ACSBG1: variants seen among roughly 807,000 people sequenced by gnomAD.
ACSBG1 encodes the protein long-chain-fatty-acid--CoA ligase ACSBG1.
In ACSBG1, 39 loss-of-function variants were observed where a neutral mutation model predicts 80.2. The ratio of observed to expected loss-of-function variants is 0.49; its 90% CI spans 0.38 to 0.64. The LOEUF (loss-of-function observed/expected upper bound fraction) is 0.64. Among genes scored for constraint, ACSBG1 ranks in the 30% least tolerant of loss-of-function variants. ACSBG1 has a pLI of 0.00. For missense variants in ACSBG1, 828 were observed against 966.4 expected (o/e 0.86, Z 1.90); for synonymous variants, 392 against 379.5 (o/e 1.03, Z -0.38).
chr15:78,193,682 T>TTCC, intron 4 of ACSBG1, 56 bp from the exon 5 acceptor site: 1 of 1,560,278 alleles, frequency 6.4e-7, no homozygotes, highest in Non-Finnish European at 8.7e-7. Context: ...GCCACCCCCT[T>TTCC]CCCCCACCCC....
chr15:78,223,359 A>C (rs1180567954), intron 1 of ACSBG1, among the ~76,000 whole-genome samples: 1 of 152,186 alleles, frequency 6.6e-6, no homozygotes, highest in Non-Finnish European at 1.5e-5. Context: ...ATGGTTTGAT[A>C]GGTACAGCAA....
Position 78,178,542 on chromosome 15 carries a change from T to G in ACSBG1, c.1702+72A>C. 1 of 1,502,120 alleles carries G rather than the reference T, an allele frequency of 6.7e-7. No homozygotes were observed. Among genetic ancestry groups the G allele is most frequent in the Non-Finnish European group, 8.9e-7 (1 of 1,123,072 alleles). The allele number at this position is 1,502,120 out of a possible 1,614,324, so 93.0% of individuals were successfully genotyped here. Reference sequence around the variant, plus strand: ...GTCTTGAACTCCTGAGCTCAGACAATCTGCCCGCCTTGGCCTCCCAAAGTG... The same window carrying G: ...GTCTTGAACTCCTGAGCTCAGACAAGCTGCCCGCCTTGGCCTCCCAAAGTG... On this transcript the variant is annotated intron_variant, in intron 11 of 13. Coordinates refer to ENST00000258873, the MANE Select transcript of ACSBG1 (RefSeq NM_015162.5). This position sits in a 1 kb window ranked among gnomAD's most constrained non-coding sequence, Gnocchi z 4.3.
Position 78,208,086 on chromosome 15 carries a change from G to GT in ACSBG1, c.147_148insA (p.Gln50ThrfsTer22), listed in dbSNP as rs1567093026. On this transcript the variant is annotated frameshift_variant, in exon 2 of 14. Coordinates refer to ENST00000258873, the MANE Select transcript of ACSBG1 (RefSeq NM_015162.5). LOFTEE classifies it high-confidence loss of function. The stretch of plus-strand genomic sequence containing the variant: ...TTCAGGGACTCTTTGGAGAGTGGCT[G>GT]CCTGTCAGTCAGTGAGCTGGGGTGG... 6.2e-7 allele frequency: 1 copy of GT among 1,613,884 alleles called. No homozygotes were observed. The highest frequency in any genetic ancestry group is 8.5e-7 in the Non-Finnish European group (1 of 1,179,926).
rs561284398 is a variant in ACSBG1 at position 78,181,006 on chromosome 15, G to A, written c.1072-70C>T. The A allele has an allele frequency of 8.9e-5, 137 of 1,546,300 alleles. 2 individuals carry two copies. The South Asian group carries it at 1.4e-3, about 16-fold the overall frequency. Reference sequence around the variant, plus strand: ...GGGGCCCAGGGGTCCCCTCTTACCAGCCAGGCATGCCGGTGGCACACACAT... The same window carrying A: ...GGGGCCCAGGGGTCCCCTCTTACCAACCAGGCATGCCGGTGGCACACACAT... On this transcript the variant is annotated intron_variant, in intron 8 of 13. Transcript: ENST00000258873.
At chr15:78,221,787 C>T (rs892033660) in intron 1 of ACSBG1, among the ~76,000 whole-genome samples, 1 of 152,110 alleles carries the variant, frequency 6.6e-6, no homozygotes, top group Admixed American at 6.5e-5. Context: ...TGTAAAATGG[C>T]GATGACTTTT....
chr15:78,185,719 T>A, intron 5 of ACSBG1, among the ~76,000 whole-genome samples: 1 of 151,068 alleles, frequency 6.6e-6, no homozygotes. Context: ...ACCAAATTGC[T>A]GAAAATCAGC....
rs558052177 is a variant in ACSBG1, at chr15:78,223,989, A to G, written c.131+10382T>C. Among the ~76,000 whole-genome samples, 17 of 152,320 alleles carry G rather than the reference A, an allele frequency of 1.1e-4. No individual in the cohort carries two copies. In the East Asian group the frequency reaches 2.7e-3, roughly 24 times the overall value. ...AGGCAGGGAACAGATTCTGTCCTAG[A>G]GCCCCTGGAGGAAGAGCAGTCCTCC... On this transcript the variant is annotated intron_variant, in intron 1 of 13. Coordinates refer to ENST00000258873, the MANE Select transcript of ACSBG1 (RefSeq NM_015162.5).
chr15:78,231,142 C>T (rs1435213922), intron 1 of ACSBG1, among the ~76,000 whole-genome samples: 4 of 151,890 alleles, frequency 2.6e-5, no homozygotes, highest in South Asian at 2.1e-4. Flanking sequence ...TTTTTTGAGA[C>T]GGAGTTTTAT....
At chr15:78,206,926 C>T (rs1198858012) in intron 2 of ACSBG1, among the ~76,000 whole-genome samples, 1 of 152,214 alleles carries the variant, frequency 6.6e-6, no homozygotes, top group Non-Finnish European at 1.5e-5. Flanking sequence ...TGTGCCATCA[C>T]TCATACTCAG....
At chr15:78,223,138 A>G (rs766505897) in intron 1 of ACSBG1, among the ~76,000 whole-genome samples, 3 of 152,216 alleles carry the variant, frequency 2.0e-5, no homozygotes, top group Non-Finnish European at 4.4e-5. Flanking sequence ...CTCTCAGGGC[A>G]CATGCTTTTT....
intron 11 of ACSBG1, 161 bp from the exon 12 acceptor site, chr15:78,174,685 A>G: frequency 1.3e-6 from 1 of 788,820 alleles, no homozygotes; most frequent in Non-Finnish European, 1.9e-6. Context: ...AGCAACTCAC[A>G]CCTGCTTGGG....
chr15:78,174,738 C>T, intron 11 of ACSBG1: 1 of 569,854 alleles, frequency 1.8e-6, no homozygotes, highest in Non-Finnish European at 3.1e-6. Flanking sequence ...ACCCAAGTTT[C>T]CCTCTCCTCG....
chr15:78,194,462 A>C, intron 3 of ACSBG1, 44 bp downstream of exon 3: 2 of 1,588,780 alleles, frequency 1.3e-6, no homozygotes, highest in Non-Finnish European at 1.7e-6. Flanking sequence ...GCTGGGAGGC[A>C]CATCTGGGGA....
intron 5 of ACSBG1, among the ~76,000 whole-genome samples, chr15:78,192,904 T>G: frequency 6.6e-6 from 1 of 151,950 alleles, no homozygotes; most frequent in South Asian, 2.1e-4. Flanking sequence ...CAGAGAGGTG[T>G]CCCCAGGCCA....
intron 2 of ACSBG1, among the ~76,000 whole-genome samples, chr15:78,197,175 A>G (rs2075121780): frequency 6.6e-6 from 1 of 152,204 alleles, no homozygotes; most frequent in Non-Finnish European, 1.5e-5. Context: ...CAGTGAAAGA[A>G]GCCAGGTGCG....
chr15:78,228,937 G>C (rs2075425072), intron 1 of ACSBG1, among the ~76,000 whole-genome samples: 1 of 152,154 alleles, frequency 6.6e-6, no homozygotes, highest in Admixed American at 6.5e-5. Context: ...GACCAAGTCA[G>C]ATCTTCGTTA....
intron 1 of ACSBG1, among the ~76,000 whole-genome samples, chr15:78,215,778 GAAAGAAA>G (rs2075307036): frequency 6.7e-6 from 1 of 149,416 alleles, no homozygotes; most frequent in Non-Finnish European, 1.5e-5. Context: ...AAGAAAGAAA[GAAAGAAA>G]GAGAAAGAAA....
intron 1 of ACSBG1, among the ~76,000 whole-genome samples, chr15:78,220,125 C>T (rs1176065949): frequency 2.6e-5 from 4 of 152,154 alleles, no homozygotes; most frequent in African/African-American, 9.7e-5. Context: ...GAGGTACTGG[C>T]ATAAGGACAG....
intron 2 of ACSBG1, among the ~76,000 whole-genome samples, chr15:78,207,472 G>GATATC (rs2075226327): frequency 6.6e-6 from 1 of 152,076 alleles, no homozygotes; most frequent in South Asian, 2.1e-4. Context: ...TTATCATTTT[G>GATATC]ATGACTCTTC....
Sources: allele counts gnomAD v4.1 joint callset (sites outside exome capture counted in the v4.1 genomes callset), GRCh38; gene constraint gnomAD v4.1.1; non-coding constraint Gnocchi (gnomAD v3.1); transcripts MANE v1.5; gene names NCBI Gene and HGNC (gene_info 2026-07-23, HGNC 2026-07-21).